RBFOX2: variants seen among roughly 807,000 people sequenced by gnomAD.
RBFOX2 encodes the protein RNA binding protein fox-1 homolog 2.
In RBFOX2, 10 loss-of-function variants were observed where a neutral mutation model predicts 49.1. The observed-to-expected ratio is 0.20, with a 90% CI of 0.13 to 0.35. The LOEUF is 0.35. RBFOX2 is among the 10% of genes least tolerant of loss of function. RBFOX2 has a pLI of 1.00. For missense variants in RBFOX2, 323 were observed against 486.9 expected (o/e 0.66, Z 3.17); for synonymous variants, 183 against 187.4 (o/e 0.98, Z 0.19).
intron 1 of RBFOX2, among the ~76,000 whole-genome samples, chr22:36,027,306 G>C (rs1388329834): frequency 1.3e-5 from 2 of 152,106 alleles, no homozygotes; most frequent in African/African-American, 4.8e-5. Flanking sequence ...TTAGGCACAA[G>C]TCTGCACAAC....
intron 1 of RBFOX2, among the ~76,000 whole-genome samples, chr22:35,959,482 G>A (rs1373333583): frequency 6.6e-6 from 1 of 152,134 alleles, no homozygotes; most frequent in Non-Finnish European, 1.5e-5. Flanking sequence ...TTTAACCTGC[G>A]GTTATCACCC....
chr22:35,764,539 T>G (rs151029397), intron 6 of RBFOX2, among the ~76,000 whole-genome samples: 1 of 146,714 alleles, frequency 6.8e-6, no homozygotes, highest in East Asian at 2.1e-4. Flanking sequence ...GAGCCTTGAT[T>G]GCGCCAGTGC....
At chr22:35,801,257 G>A (rs548590388) in intron 2 of RBFOX2, among the ~76,000 whole-genome samples, 1 of 152,088 alleles carries the variant, frequency 6.6e-6, no homozygotes, top group East Asian at 1.9e-4. Flanking sequence ...AGATTTAATT[G>A]GCCACATGAA....
At chr22:35,871,409 T>G (rs906236404) in intron 1 of RBFOX2, among the ~76,000 whole-genome samples, 1 of 152,124 alleles carries the variant, frequency 6.6e-6, no homozygotes, top group East Asian at 1.9e-4. Context: ...AACCTCAATA[T>G]GCAACAATGG....
At chr22:35,782,447 G>A (rs537573494) in intron 2 of RBFOX2, among the ~76,000 whole-genome samples, 10 of 152,100 alleles carry the variant, frequency 6.6e-5, no homozygotes, top group African/African-American at 2.2e-4. Flanking sequence ...TCAGCCTCCC[G>A]AGTAGCTGGG....
chr22:35,974,964 C>T (rs1361447110), intron 1 of RBFOX2, among the ~76,000 whole-genome samples: 2 of 152,172 alleles, frequency 1.3e-5, no homozygotes, highest in Admixed American at 6.5e-5. Context: ...ATCAGTCTCT[C>T]GAAAGCACAG....
chr22:35,807,228 G>GACA (rs1950916781), intron 2 of RBFOX2, among the ~76,000 whole-genome samples: 1 of 152,064 alleles, frequency 6.6e-6, no homozygotes, highest in East Asian at 1.9e-4. Context: ...ATTAATATCA[G>GACA]ACAAATAGTT....
chr22:35,964,110 A>C (rs911466864), upstream of RBFOX2, among the ~76,000 whole-genome samples: 2 of 152,166 alleles, frequency 1.3e-5, no homozygotes, highest in Non-Finnish European at 2.9e-5. Flanking sequence ...CAAGGTGACC[A>C]TGGTTATATA....
intron 1 of RBFOX2, among the ~76,000 whole-genome samples, chr22:35,950,186 C>T (rs1413656108): frequency 1.4e-5 from 2 of 144,466 alleles, no homozygotes; most frequent in Non-Finnish European, 3.0e-5. Context: ...CCATCTTCTT[C>T]CTGTTTTCTG....
At chr22:35,976,605 A>C (rs1042261687) in intron 1 of RBFOX2, among the ~76,000 whole-genome samples, 1 of 152,268 alleles carries the variant, frequency 6.6e-6, no homozygotes, top group Non-Finnish European at 1.5e-5. Flanking sequence ...AAATATTTAC[A>C]AATGTGTATC....
At position 36,002,463 on chromosome 22, in the gene RBFOX2, G is replaced by A. The variant is rs5995183; in HGVS notation, c.186+25777C>T. The stretch of plus-strand genomic sequence containing the variant: ...AATTAGATTGATTGGCAAAACAAAC[G>A]AAATGTTCTCTAAGGTGTTTTGTTC... On this transcript the variant is annotated intron_variant, in intron 1 of 13. Transcript: ENST00000438146. 3.7e-4 allele frequency among the ~76,000 whole-genome samples: 57 copies of A among 152,328 alleles called. 1 individual carries two copies. The highest frequency in any genetic ancestry group is 1.3e-3 in the African/African-American group (52 of 41,580).
upstream of RBFOX2, among the ~76,000 whole-genome samples, chr22:35,943,185 G>A (rs1371225929): frequency 1.3e-5 from 2 of 152,164 alleles, no homozygotes; most frequent in South Asian, 2.1e-4. Context: ...TGTGCCAGTC[G>A]AATAGTGGGA....
At chr22:35,812,008 C>T (rs1425294980) in intron 1 of RBFOX2, among the ~76,000 whole-genome samples, 2 of 150,682 alleles carry the variant, frequency 1.3e-5, no homozygotes, top group African/African-American at 4.9e-5. Flanking sequence ...CTTCTGTAAT[C>T]CCAGCACCTT....
At chr22:35,891,013 G>T (rs1195335809) in intron 1 of RBFOX2, among the ~76,000 whole-genome samples, 10 of 151,922 alleles carry the variant, frequency 6.6e-5, no homozygotes, top group Non-Finnish European at 1.5e-5. Context: ...GCACATAAAA[G>T]GATTTCACTT....
intron 1 of RBFOX2, among the ~76,000 whole-genome samples, chr22:36,006,162 T>G (rs544395474): frequency 2.6e-5 from 4 of 152,366 alleles, no homozygotes; most frequent in Non-Finnish European, 4.4e-5. Flanking sequence ...AATTAAGCAC[T>G]TAAATGTTGA....
Position 35,761,397 on chromosome 22 carries a change from C to T in RBFOX2, c.661+18G>A. On this transcript the variant is annotated intron_variant, in intron 7 of 11. Coordinates refer to ENST00000405409, the Ensembl canonical transcript of RBFOX2. ...TACAATTAAATAGCACAAGTGGAAA[C>T]ATTTACTTAAATACTACCTGCATAT... 6.2e-7 allele frequency: 1 copy of T among 1,613,768 alleles called. No homozygotes were observed. Among genetic ancestry groups the T allele is most frequent in the Non-Finnish European group, 8.5e-7 (1 of 1,179,666 alleles).
At chr22:35,830,707 TATA>T (rs746182373) in intron 1 of RBFOX2, among the ~76,000 whole-genome samples, 10 of 152,188 alleles carry the variant, frequency 6.6e-5, no homozygotes, top group Non-Finnish European at 1.3e-4. Flanking sequence ...AATACAGTAT[TATA>T]ATCTTATGGA....
rs375088964 is a variant in RBFOX2, at chr22:35,977,722, C to CTA, written c.187-38827_187-38826dup. 6.0e-3 allele frequency among the ~76,000 whole-genome samples: 483 copies of CTA among 80,832 alleles called. 1 individual carries two copies. The highest frequency in any genetic ancestry group is 7.9e-3 in the Non-Finnish European group (331 of 42,024). The allele number at this position is 80,832 out of a possible 152,430, so 53.0% of individuals were successfully genotyped here. A position where few individuals can be genotyped will look rare whatever the true frequency, so the allele number is the denominator to read the frequency against. ...TGCATGTAAATTATACCTGAATGAA[C>CTA]TATATATATATATATATATATATAT... On this transcript the variant is annotated intron_variant, in intron 1 of 13. Transcript: ENST00000438146.
At chr22:36,022,996 G>GGAC (rs1398657144) in intron 1 of RBFOX2, among the ~76,000 whole-genome samples, 1 of 152,078 alleles carries the variant, frequency 6.6e-6, no homozygotes, top group Non-Finnish European at 1.5e-5. Flanking sequence ...GGCAGCCCAA[G>GGAC]GACACTGGGA....
Sources: allele counts gnomAD v4.1 joint callset (sites outside exome capture counted in the v4.1 genomes callset), GRCh38; gene constraint gnomAD v4.1.1; transcripts MANE v1.5; gene names NCBI Gene and HGNC (gene_info 2026-07-23, HGNC 2026-07-21).